Variants in TEAD1 observed in about 807,000 individuals in gnomAD.
TEAD1 encodes the protein transcriptional enhancer factor TEF-1.
Under a neutral mutation model 54.9 loss-of-function variants are expected in TEAD1, and 9 were observed. The observed-to-expected ratio is 0.16, with a 90% CI of 0.10 to 0.29. The LOEUF (loss-of-function observed/expected upper bound fraction) is 0.29, where lower values mean the gene tolerates loss of function less well. Among genes scored for constraint, TEAD1 ranks in the 10% least tolerant of loss-of-function variants. The pLI is 1.00. For missense variants in TEAD1, 387 were observed against 535.9 expected (o/e 0.72, Z 2.74); for synonymous variants, 200 against 187.8 (o/e 1.07, Z -0.53).
At chr11:12,702,964 C>T (rs947851713) in intron 2 of TEAD1, among the ~76,000 whole-genome samples, 2 of 152,134 alleles carry the variant, frequency 1.3e-5, no homozygotes, top group Non-Finnish European at 2.9e-5. Flanking sequence ...AAGTTAAGTA[C>T]CTTGTCCAAA....
intron 3 of TEAD1, among the ~76,000 whole-genome samples, chr11:12,798,275 T>A (rs188654002): frequency 6.6e-6 from 1 of 152,304 alleles, no homozygotes; most frequent in East Asian, 1.9e-4. Flanking sequence ...CCCCCATCAG[T>A]TTTTTTCTGA....
chr11:12,679,477 T>C (rs1329931982), intron 2 of TEAD1, among the ~76,000 whole-genome samples: 1 of 152,222 alleles, frequency 6.6e-6, no homozygotes, highest in Non-Finnish European at 1.5e-5. Context: ...TTTAGATGTA[T>C]GTGTAAAGTG....
intron 2 of TEAD1, among the ~76,000 whole-genome samples, chr11:12,724,534 C>T (rs1944277108): frequency 6.6e-6 from 1 of 152,238 alleles, no homozygotes; most frequent in Non-Finnish European, 1.5e-5. Context: ...GCTGATGACT[C>T]ATCCTCTGAA....
rs751711194 is a variant in TEAD1, at chr11:12,924,939, G to T, written c.901G>T (p.Asp301Tyr). The T allele has an allele frequency of 1.2e-6, 2 of 1,614,068 alleles. No homozygotes were observed. Among genetic ancestry groups the T allele is most frequent in the African/African-American group, 1.3e-5 (1 of 74,910 alleles). ...TGATTTAAACTGCAATATTCAAGAT[G>T]ATGCTGGGGCTTTTTATGGTGTAAC... is the stretch of plus-strand genomic sequence containing the variant. The change falls in exon 11 of 13, where the codon GAT (aspartate) becomes TAT (tyrosine). Residue 301 changes from aspartate to tyrosine, a missense_variant. Transcript: ENST00000527636.
intron 2 of TEAD1, among the ~76,000 whole-genome samples, chr11:12,717,446 C>G (rs1188805274): frequency 6.6e-6 from 1 of 152,196 alleles, no homozygotes; most frequent in Non-Finnish European, 1.5e-5. Flanking sequence ...AATTACACCT[C>G]CACAGAAATC....
At chr11:12,816,179 A>T (rs963988360) in intron 3 of TEAD1, among the ~76,000 whole-genome samples, 4 of 152,154 alleles carry the variant, frequency 2.6e-5, no homozygotes, top group African/African-American at 9.7e-5. Flanking sequence ...CTTTTTATCA[A>T]TCCGATACTG....
At chr11:12,738,350 C>G (rs927652492) in intron 2 of TEAD1, among the ~76,000 whole-genome samples, 21 of 152,142 alleles carry the variant, frequency 1.4e-4, no homozygotes, top group African/African-American at 4.8e-4. Flanking sequence ...ATTTAGCAGC[C>G]TTGAAGAATG....
intron 2 of TEAD1, among the ~76,000 whole-genome samples, chr11:12,732,501 A>C (rs892423904): frequency 6.6e-6 from 1 of 152,204 alleles, no homozygotes; most frequent in Non-Finnish European, 1.5e-5. Flanking sequence ...AGAGAAGTCT[A>C]GGCTGGGTCT....
chr11:12,843,348 A>G (rs1025071759), intron 3 of TEAD1, among the ~76,000 whole-genome samples: 2 of 152,236 alleles, frequency 1.3e-5, no homozygotes, highest in African/African-American at 2.4e-5. Flanking sequence ...ACTCTATTCA[A>G]AGTAGAAGTG....
intron 3 of TEAD1, among the ~76,000 whole-genome samples, chr11:12,773,651 T>G (rs1416776407): frequency 6.6e-6 from 1 of 152,244 alleles, no homozygotes; most frequent in African/African-American, 2.4e-5. Flanking sequence ...AATTCTTTTT[T>G]CTAGATACAA....
intron 11 of TEAD1, among the ~76,000 whole-genome samples, chr11:12,927,338 C>A (rs1948921656): frequency 6.6e-6 from 1 of 152,190 alleles, no homozygotes; most frequent in South Asian, 2.1e-4. Flanking sequence ...ACAGATCTGT[C>A]CCCTTTAAAT....
intron 5 of TEAD1, among the ~76,000 whole-genome samples, chr11:12,871,207 T>A (rs1589944890): frequency 6.6e-6 from 1 of 152,356 alleles, no homozygotes; most frequent in Non-Finnish European, 1.5e-5. Flanking sequence ...CCCTTGGACC[T>A]TGTGTCACCA....
At chr11:12,845,663 CTGT>C (rs1346473920) in intron 3 of TEAD1, among the ~76,000 whole-genome samples, 2 of 152,208 alleles carry the variant, frequency 1.3e-5, no homozygotes, top group Non-Finnish European at 2.9e-5. Flanking sequence ...GGAAACCGTA[CTGT>C]TGTTGTAAAA....
chr11:12,803,419 A>T (rs552314115), intron 3 of TEAD1, among the ~76,000 whole-genome samples: 8 of 152,334 alleles, frequency 5.3e-5, no homozygotes, highest in Non-Finnish European at 1.0e-4. Context: ...GTTTAAGTTC[A>T]TTGTTTGTGG....
chr11:12,771,554 C>T (rs557706650), intron 3 of TEAD1, among the ~76,000 whole-genome samples: 30 of 152,104 alleles, frequency 2.0e-4, no homozygotes, highest in African/African-American at 7.0e-4. Flanking sequence ...TACTGTTAAG[C>T]GAGATGGGGA....
At chr11:12,849,188 G>A (rs1053660295) in intron 3 of TEAD1, 2 of 152,168 alleles carry the variant, frequency 1.3e-5, no homozygotes, top group African/African-American at 4.8e-5. Context: ...GCTGGGATTA[G>A]AAGCACATGC....
intron 2 of TEAD1, among the ~76,000 whole-genome samples, chr11:12,718,934 A>T (rs1944121199): frequency 6.6e-6 from 1 of 151,888 alleles, no homozygotes; most frequent in Non-Finnish European, 1.5e-5. Context: ...TATGTATATC[A>T]TCATAATTGT....
At chr11:12,689,944 T>C (rs758327370) in intron 2 of TEAD1, among the ~76,000 whole-genome samples, 23 of 151,934 alleles carry the variant, frequency 1.5e-4, no homozygotes, top group Non-Finnish European at 3.2e-4. Context: ...AGCACTGTAA[T>C]AACTCCTTAA....
chr11:12,891,705 C>T (rs1948201468), intron 9 of TEAD1, among the ~76,000 whole-genome samples: 1 of 152,184 alleles, frequency 6.6e-6, no homozygotes, highest in Non-Finnish European at 1.5e-5. Flanking sequence ...TGGGACCTGG[C>T]TAATAGATGG....
Sources: allele counts gnomAD v4.1 joint callset (sites outside exome capture counted in the v4.1 genomes callset), GRCh38; gene constraint gnomAD v4.1.1; transcripts MANE v1.5; gene names NCBI Gene and HGNC (gene_info 2026-07-23, HGNC 2026-07-21).